The following DSTYK variants were observed in gnomAD, a reference collection of about 807,000 sequenced individuals.
The protein encoded by DSTYK is RIP-homologous kinase.
A neutral mutation model predicts 98.7 loss-of-function variants in DSTYK; 34 were observed. The ratio of observed to expected loss-of-function variants is 0.34; its 90% CI spans 0.26 to 0.46. The LOEUF is 0.46. Ranked by LOEUF, DSTYK falls within the 20% of genes least tolerant of loss-of-function variation. The pLI is 1.00. For missense variants in DSTYK, 962 were observed against 1,181.7 expected, an observed-to-expected ratio of 0.81 and a Z score of 2.73; for synonymous variants, 462 against 457.3, an observed-to-expected ratio of 1.01 and a Z score of -0.13.
chr1:205,197,302 A>G (rs1480231620), intron 1 of DSTYK, among the ~76,000 whole-genome samples: 1 of 152,132 alleles, frequency 6.6e-6, no homozygotes, highest in Non-Finnish European at 1.5e-5. Flanking sequence ...TGGAGTGTTT[A>G]GAGGAGATGA....
In DSTYK at chr1:205,169,233, A is replaced by G. The variant is rs775491691; in HGVS notation, c.1254T>C (p.Asp418=). The G allele has an allele frequency of 5.6e-6, 9 of 1,613,986 alleles. No individual in the cohort carries two copies. The South Asian group carries it at 7.7e-5, about 14-fold the overall frequency. The change falls in exon 3 of 13, where the codon GAT becomes GAC. Residue 418 remains aspartate, a synonymous_variant. Coordinates refer to ENST00000367162, the MANE Select transcript of DSTYK (RefSeq NM_015375.3). The surrounding 1 kb of genome is among the most constrained non-coding windows in gnomAD (Gnocchi z 4.0). ...TGGTATTAAGTGTCTCAACAATCAT[A>G]TCCTTCATTTCCTCCTGCTTTCGGT... ...IANRKQEEMK[D]MIVETLNTMK...
Position 205,157,288 on chromosome 1 carries a change from T to C in DSTYK, c.2337A>G (p.Lys779=). Residue 779 remains lysine (K), a synonymous_variant, in exon 10 of 13, where the codon AAA becomes AAG. Transcript: ENST00000367162. ...TTTTACTTACCAGCACATTTTTCAG[T>C]TTGATATCACGATGGACAAGTCCCT... ...HSQGLVHRDI[K]LKNVLLDKQN... 1 of 1,614,082 alleles carries C rather than the reference T, an allele frequency of 6.2e-7. No individual in the cohort carries two copies. The highest frequency in any genetic ancestry group is 8.5e-7 in the Non-Finnish European group (1 of 1,179,980).
intron 2 of DSTYK, among the ~76,000 whole-genome samples, chr1:205,174,073 A>T (rs1396526058): frequency 6.6e-6 from 1 of 152,046 alleles, no homozygotes; most frequent in Non-Finnish European, 1.5e-5. Context: ...GTGTAAATTC[A>T]TTATTAAAGA....
rs558763686 is a variant in DSTYK at position 205,157,227 on chromosome 1, A to G, written c.2352+46T>C. On this transcript the variant is annotated intron_variant, in intron 10 of 12. Coordinates refer to ENST00000367162, the MANE Select transcript of DSTYK (RefSeq NM_015375.3). ...TTACATGTACCCTCCAAAATCACTC[A>G]GCCACAGAGGTAGGGTATAATCTTG... 9.1e-6 allele frequency: 14 copies of G among 1,535,858 alleles called. No homozygotes were observed. The South Asian group carries it at 1.3e-4, about 15-fold the overall frequency.
rs1341086788 is a variant in DSTYK at position 205,145,537 on chromosome 1, G to GTTTTTTTTT, written c.*2012_*2020dup. ...ATCTTTGTTTTTTGTTTTTTTTTTT[G>GTTTTTTTTT]TTTTTTTTTGAGATAGAGTCTCGCT... On this transcript the variant is annotated 3_prime_UTR_variant, in exon 13 of 13. Coordinates refer to ENST00000367162, the MANE Select transcript of DSTYK (RefSeq NM_015375.3). 3 of 107,726 alleles carry GTTTTTTTTT rather than the reference G, an allele frequency of 2.8e-5. No individual in the cohort carries two copies. The highest frequency in any genetic ancestry group is 9.2e-5 in the African/African-American group (3 of 32,644). 6.7% of individuals were successfully genotyped at this position (107,726 alleles called of 1,614,324 possible). A position where few individuals can be genotyped will look rare whatever the true frequency, so the allele number is the denominator to read the frequency against.
At chr1:205,193,244 G>C (rs1376952483) in intron 1 of DSTYK, among the ~76,000 whole-genome samples, 1 of 152,178 alleles carries the variant, frequency 6.6e-6, no homozygotes, top group Non-Finnish European at 1.5e-5. Context: ...ACTCTGAAAA[G>C]AGAAGATGGG....
chr1:205,167,321 G>A (rs1387677271), intron 3 of DSTYK, among the ~76,000 whole-genome samples: 2 of 152,046 alleles, frequency 1.3e-5, no homozygotes, highest in African/African-American at 4.8e-5. Flanking sequence ...GATTGCTTGA[G>A]CCCAGGAGAT....
In DSTYK at chr1:205,163,818, T is replaced by C; in HGVS notation, c.1462A>G (p.Arg488Gly). The C allele has an allele frequency of 6.2e-7, 1 of 1,614,176 alleles. No homozygotes were observed. The change falls in exon 4 of 13, where the codon AGG (arginine) becomes GGG (glycine). Residue 488 changes from arginine (R) to glycine (G), a missense_variant. Transcript: ENST00000367162. ...NKLISSVDYL[R>G]ESFVGTLERC... is the part of the protein sequence containing the mutation. The stretch of plus-strand genomic sequence containing the variant: ...TCCAGGGTTCCGACGAAGCTTTCCC[T>C]CAGGTAATCCACTGAGCTGATCAGC...
At chr1:205,153,533 A>G (rs1244036282) in intron 10 of DSTYK, among the ~76,000 whole-genome samples, 1 of 152,246 alleles carries the variant, frequency 6.6e-6, no homozygotes, top group African/African-American at 2.4e-5. Flanking sequence ...ATTTAGGGCA[A>G]CTGAACATAT....
At chr1:205,202,527 C>T (rs747356654) in intron 1 of DSTYK, 3 of 870,912 alleles carry the variant, frequency 3.4e-6, no homozygotes, top group South Asian at 1.3e-5. Flanking sequence ...ATTCTCTGGT[C>T]GTTGGGCATA....
At chr1:205,181,186 T>C (rs1658386067) in intron 2 of DSTYK, among the ~76,000 whole-genome samples, 1 of 152,208 alleles carries the variant, frequency 6.6e-6, no homozygotes, top group Non-Finnish European at 1.5e-5. Flanking sequence ...GAGTTGACCA[T>C]TTTTTGGCCC....
chr1:205,162,012 G>A (rs375646865), intron 6 of DSTYK, 24 bp downstream of exon 6: 3 of 1,605,338 alleles, frequency 1.9e-6, no homozygotes, highest in South Asian at 2.2e-5. Context: ...TGATCCAGCT[G>A]TATCTCCTTT....
chr1:205,205,453 TA>T (rs1659170011), intron 1 of DSTYK, among the ~76,000 whole-genome samples: 1 of 151,942 alleles, frequency 6.6e-6, no homozygotes, highest in Non-Finnish European at 1.5e-5. Flanking sequence ...TTATTATTAT[TA>T]TTTTTTTTTG....
At chr1:205,190,616 A>G (rs1658681570) in intron 1 of DSTYK, among the ~76,000 whole-genome samples, 1 of 28,994 alleles carries the variant, frequency 3.4e-5, no homozygotes, top group African/African-American at 8.7e-5. Flanking sequence ...ACTCCATCTC[A>G]AAAAAAAAAA....
At chr1:205,189,272 C>T (rs1658643910) in intron 1 of DSTYK, among the ~76,000 whole-genome samples, 1 of 152,232 alleles carries the variant, frequency 6.6e-6, no homozygotes, top group Non-Finnish European at 1.5e-5. Flanking sequence ...GAATGAGAAT[C>T]TGTGTTTGAG....
At chr1:205,195,452 C>T (rs11588199) in intron 1 of DSTYK, among the ~76,000 whole-genome samples, 69,556 of 152,056 alleles carry the variant, frequency 0.46, 19,344 homozygotes, top group Non-Finnish European at 0.62. Context: ...ATTTATTTAT[C>T]CTTCCTAAAC....
chr1:205,161,457 G>A, intron 6 of DSTYK, 70 bp from the exon 7 acceptor site: 1 of 1,466,378 alleles, frequency 6.8e-7, no homozygotes, highest in Non-Finnish European at 9.4e-7. Context: ...TGTTATACAG[G>A]GATAATAATA....
Position 205,154,646 on chromosome 1 carries a change from A to G in DSTYK, c.2352+2627T>C, listed in dbSNP as rs113865685. On this transcript the variant is annotated intron_variant, in intron 10 of 12. Coordinates refer to ENST00000367162, the MANE Select transcript of DSTYK (RefSeq NM_015375.3). ...CCAAGAGTAGGCTGCTGCTGTAAGGATACATGAAATTGTGGAAGCGACTTT... is the reference window on the plus strand; with the variant it reads ...CCAAGAGTAGGCTGCTGCTGTAAGGGTACATGAAATTGTGGAAGCGACTTT... Among the ~76,000 whole-genome samples the G allele has an allele frequency of 8.6e-3, 1,305 of 152,306 alleles. 23 individuals carry two copies. The highest frequency in any genetic ancestry group is 0.03 in the African/African-American group (1,252 of 41,566).
chr1:205,208,774 T>C (rs1659280043), intron 1 of DSTYK, among the ~76,000 whole-genome samples: 1 of 152,156 alleles, frequency 6.6e-6, no homozygotes, highest in African/African-American at 2.4e-5. Flanking sequence ...AGATGGCCTG[T>C]AAATGGGGAG....
Sources: allele counts gnomAD v4.1 joint callset (sites outside exome capture counted in the v4.1 genomes callset), GRCh38; gene constraint gnomAD v4.1.1; non-coding constraint Gnocchi (gnomAD v3.1); transcripts MANE v1.5; gene names NCBI Gene and HGNC (gene_info 2026-07-23, HGNC 2026-07-21).